The following FHL1 variants were observed in gnomAD, a reference collection of about 807,000 sequenced individuals.
The protein encoded by FHL1 is four and a half LIM domains protein 1.
Under a neutral mutation model 20.3 loss-of-function variants are expected in FHL1, and 1 was observed. That is an observed-to-expected ratio of 0.05 (90% CI 0.02 to 0.23). The LOEUF is 0.23. Among genes scored for constraint, FHL1 ranks in the 10% least tolerant of loss-of-function variants. The pLI, the probability that FHL1 is intolerant of heterozygous loss-of-function variation, is 1.00. For synonymous variants in FHL1, 82 were observed against 88.9 expected, an observed-to-expected ratio of 0.92 and a Z score of 0.44; for missense variants, 177 against 234.0, an observed-to-expected ratio of 0.76 and a Z score of 1.59.
At position 136,161,898 on chromosome X, in the gene FHL1, G is replaced by A. The variant is rs191655372; in HGVS notation, c.-100-8009G>A. Among the ~76,000 whole-genome samples the A allele has an allele frequency of 3.2e-4, 35 of 110,780 alleles. No homozygotes were observed. The East Asian group carries it at 8.5e-3, about 27-fold the overall frequency. On this transcript the variant is annotated intron_variant, in intron 1 of 7. Coordinates refer to the FHL1 transcript ENST00000394155. The stretch of plus-strand genomic sequence containing the variant: ...AGCACTTTGGGAGGCCGAGGCAGGC[G>A]GATCACTTGAGGTCAGGAGTTTGAG...
At chrX:136,154,008 AT>A (rs2072345747) in intron 1 of FHL1, among the ~76,000 whole-genome samples, 1 of 111,647 alleles carries the variant, frequency 9.0e-6, no homozygotes, top group Non-Finnish European at 1.9e-5. Flanking sequence ...TCCAGCTTGA[AT>A]GATCAAGTTT....
chrX:136,206,120 TGTGA>T, intron 1 of FHL1: 1 of 408,771 alleles, frequency 2.4e-6, no homozygotes, highest in Non-Finnish European at 4.3e-6. Flanking sequence ...CCGCATCTTT[TGTGA>T]ATCAGCACAG....
rs2072844516 is a variant in FHL1 at position 136,170,767 on chromosome X, T to C, written c.-27+787T>C. Among the ~76,000 whole-genome samples the C allele has an allele frequency of 3.6e-5, 4 of 111,130 alleles. No homozygotes were observed. The South Asian group carries it at 1.5e-3, about 43-fold the overall frequency. Reference sequence around the variant, plus strand: ...GTCTCTGTGCGCTCACAAGAGGGAATGTAACCTTTGCCAGCACCATACCTG... The same window carrying C: ...GTCTCTGTGCGCTCACAAGAGGGAACGTAACCTTTGCCAGCACCATACCTG... On this transcript the variant is annotated intron_variant, in intron 2 of 6. Coordinates refer to the FHL1 transcript ENST00000394153.
chrX:136,156,636 T>A (rs1486411066), intron 1 of FHL1, among the ~76,000 whole-genome samples: 1 of 111,727 alleles, frequency 9.0e-6, no homozygotes, highest in Non-Finnish European at 1.9e-5. Flanking sequence ...TTTTCAGTAC[T>A]AAGGAAATGA....
chrX:136,176,837 C>T (rs1273834260), intron 2 of FHL1, among the ~76,000 whole-genome samples: 1 of 110,794 alleles, frequency 9.0e-6, no homozygotes, highest in African/African-American at 3.3e-5. Context: ...CCTAACTTTT[C>T]CCAGCCTCTG....
intron 4 of FHL1, 147 bp downstream of exon 4, chrX:136,208,108 A>G: frequency 1.3e-6 from 1 of 778,544 alleles, no homozygotes; most frequent in Admixed American, 2.6e-5. Flanking sequence ...AGATGAGGAG[A>G]TCGTGGATTA....
chrX:136,162,728 T>C (rs1490107676), intron 1 of FHL1, among the ~76,000 whole-genome samples: 1 of 111,740 alleles, frequency 8.9e-6, no homozygotes, highest in Non-Finnish European at 1.9e-5. Context: ...CACAATAAAG[T>C]CTGACAATTA....
chrX:136,210,002 C>A lies in FHL1; in HGVS notation c.868C>A (p.Pro290Thr). Reference protein sequence around the residue: ...FVFHQEQVYCPDCAKKL With the variant: ...FVFHQEQVYCTDCAKKL Reference sequence around the variant, plus strand: ...TTTCCACCAGGAGCAAGTGTATTGTCCCGACTGTGCCAAAAAGCTGTAAAC... The same window carrying A: ...TTTCCACCAGGAGCAAGTGTATTGTACCGACTGTGCCAAAAAGCTGTAAAC... Residue 290 changes from proline (P) to threonine (T), a missense_variant, in exon 6 of 6, where the codon CCC (proline) becomes ACC (threonine). By Grantham distance (38) the Pro-to-Thr change is conservative. Coordinates refer to ENST00000370683, the MANE Select transcript of FHL1 (RefSeq NM_001159699.2). The A allele has an allele frequency of 8.3e-7, 1 of 1,210,997 alleles. No individual in the cohort carries two copies. Among genetic ancestry groups the A allele is most frequent in the Non-Finnish European group, 1.1e-6 (1 of 895,381 alleles).
chrX:136,174,983 A>G (rs1301138126), intron 2 of FHL1, among the ~76,000 whole-genome samples: 2 of 112,474 alleles, frequency 1.8e-5, no homozygotes, highest in Non-Finnish European at 3.8e-5. Flanking sequence ...TCAAATATAT[A>G]CAGTCCTATA....
chrX:136,189,702 T>G (rs1216328996), intron 2 of FHL1, among the ~76,000 whole-genome samples: 1 of 111,859 alleles, frequency 8.9e-6, no homozygotes, highest in South Asian at 3.7e-4. Flanking sequence ...TGGGCAAATT[T>G]AGTCACAGAG....
At chrX:136,181,875 A>G (rs1011185758) in intron 2 of FHL1, among the ~76,000 whole-genome samples, 9 of 111,851 alleles carry the variant, frequency 8.0e-5, no homozygotes, top group Admixed American at 9.5e-5. Context: ...CCATCAGTCT[A>G]TCTTATTTTT....
At chrX:136,197,026 G>A (rs1450530573), upstream of FHL1, 1 of 1,097,158 alleles carries the variant, frequency 9.1e-7, no homozygotes, top group Non-Finnish European at 1.3e-6. Context: ...CCCCTTAAAT[G>A]TATGTTCACA....
chrX:136,188,612 G>T (rs1372435144), intron 2 of FHL1, among the ~76,000 whole-genome samples: 3 of 111,166 alleles, frequency 2.7e-5, no homozygotes, highest in Non-Finnish European at 3.8e-5. Context: ...TTTTGGGTGG[G>T]GATGTGAGGT....
At position 136,206,868 on chromosome X, in the gene FHL1, A is replaced by G. The variant is rs987544133; in HGVS notation, c.205-148A>G. ...TTATCCTCACCTCAGCGTCCCTCCT[A>G]TAAGAATAGTCACTGTGGGGCAGTC... is the stretch of plus-strand genomic sequence containing the variant. On this transcript the variant is annotated intron_variant, in intron 2 of 5. Coordinates refer to ENST00000370683, the MANE Select transcript of FHL1 (RefSeq NM_001159699.2). 9.3e-6 allele frequency: 6 copies of G among 642,448 alleles called. No individual in the cohort carries two copies. The African/African-American group carries it at 1.1e-4, about 12-fold the overall frequency. 52.9% of individuals were successfully genotyped at this position (642,448 alleles called of 1,213,427 possible).
chrX:136,175,782 C>A (rs2072987840), intron 2 of FHL1, among the ~76,000 whole-genome samples: 1 of 112,099 alleles, frequency 8.9e-6, no homozygotes, highest in African/African-American at 3.2e-5. Flanking sequence ...GTGATATGTA[C>A]CTGTGGACAA....
upstream of FHL1, among the ~76,000 whole-genome samples, chrX:136,168,880 T>A (rs1158847958): frequency 9.0e-6 from 1 of 111,491 alleles, no homozygotes; most frequent in Non-Finnish European, 1.9e-5. Flanking sequence ...GAGGGGTGGT[T>A]ACACACCTGG....
upstream of FHL1, among the ~76,000 whole-genome samples, chrX:136,167,596 A>G (rs1213127600): frequency 9.0e-6 from 1 of 111,236 alleles, no homozygotes; most frequent in African/African-American, 3.3e-5. Context: ...GATTCATATG[A>G]TAGAATATGA....
rs2148297295 is a variant in FHL1 at position 136,169,735 on chromosome X, T to C, written c.-101+2T>C. The stretch of plus-strand genomic sequence containing the variant: ...TATGATAAACAGACATTTGGAGAAG[T>C]ATGCAGAACATCTTGGCAGTTTTCC... On this transcript the variant is annotated splice_donor_variant, in intron 1 of 6. Coordinates refer to the FHL1 transcript ENST00000394153. LOFTEE classifies it low-confidence loss of function (5UTR_SPLICE). 6.1e-6 allele frequency: 2 copies of C among 326,921 alleles called. No individual in the cohort carries two copies. Among genetic ancestry groups the C allele is most frequent in the East Asian group, 9.7e-5 (1 of 10,319 alleles). 26.9% of individuals were successfully genotyped at this position (326,921 alleles called of 1,213,427 possible).
intron 2 of FHL1, among the ~76,000 whole-genome samples, chrX:136,188,791 T>C (rs1017690810): frequency 9.0e-6 from 1 of 110,737 alleles, no homozygotes; most frequent in Non-Finnish European, 1.9e-5. Flanking sequence ...ATGGTGCATA[T>C]TTTGGTTCTG....
Sources: gnomAD v4.1 joint callset for allele counts (sites outside exome capture counted in the v4.1 genomes callset) on GRCh38, gnomAD v4.1.1 for gene constraint, MANE v1.5 for transcripts, NCBI Gene and HGNC (gene_info 2026-07-23, HGNC 2026-07-21) for gene names.